Variants in INPP4B observed in about 807,000 individuals in gnomAD.
INPP4B encodes the protein inositol polyphosphate 4-phosphatase type II.
In INPP4B, 55 loss-of-function variants were observed where a neutral mutation model predicts 122.5. The observed-to-expected ratio is 0.45, with a 90% confidence interval of 0.36 to 0.56. The LOEUF (loss-of-function observed/expected upper bound fraction) is 0.56, where lower values mean the gene tolerates loss of function less well. Ranked by LOEUF, INPP4B falls within the 20% of genes least tolerant of loss-of-function variation. The pLI, the probability that INPP4B is intolerant of heterozygous loss-of-function variation, is 0.00. For missense variants in INPP4B, 1,000 were observed against 1,097.7 expected, an observed-to-expected ratio of 0.91 and a Z score of 1.26; for synonymous variants, 403 against 388.7, an observed-to-expected ratio of 1.04 and a Z score of -0.43.
chr4:142,203,255 TG>T (rs1841432180), intron 14 of INPP4B, among the ~76,000 whole-genome samples: 1 of 152,130 alleles, frequency 6.6e-6, no homozygotes, highest in South Asian at 2.1e-4. Context: ...ACATTAATAA[TG>T]CAGTTATATA....
At chr4:142,680,049 T>C (rs1328517684) in intron 2 of INPP4B, among the ~76,000 whole-genome samples, 1 of 151,906 alleles carries the variant, frequency 6.6e-6, no homozygotes, top group Non-Finnish European at 1.5e-5. Context: ...TGGCTGGTTT[T>C]AGCTAGCCAT....
chr4:142,187,600 T>G (rs75618375), intron 15 of INPP4B, among the ~76,000 whole-genome samples: 1 of 148,742 alleles, frequency 6.7e-6, no homozygotes, highest in African/African-American at 2.5e-5. Context: ...CAGACACACA[T>G]TTTTTTTTTG....
At chr4:142,418,299 A>C (rs190480297) in intron 5 of INPP4B, among the ~76,000 whole-genome samples, 13 of 152,262 alleles carry the variant, frequency 8.5e-5, no homozygotes, top group African/African-American at 3.1e-4. Context: ...TTTCAAGGGA[A>C]TATATAAATA....
At chr4:142,084,726 T>C (rs1775891415) in intron 24 of INPP4B, among the ~76,000 whole-genome samples, 3 of 152,174 alleles carry the variant, frequency 2.0e-5, no homozygotes, top group South Asian at 4.1e-4. Context: ...TGTGTGGGAT[T>C]TATAGGAAAA....
At chr4:142,567,951 A>G (rs536986820) in intron 2 of INPP4B, among the ~76,000 whole-genome samples, 2 of 152,208 alleles carry the variant, frequency 1.3e-5, no homozygotes, top group South Asian at 4.1e-4. Flanking sequence ...AAACAATCAT[A>G]TTTTTCAAAT....
chr4:142,227,728 G>A (rs1302380779), intron 12 of INPP4B, among the ~76,000 whole-genome samples: 1 of 151,036 alleles, frequency 6.6e-6, no homozygotes, highest in Non-Finnish European at 1.5e-5. Context: ...CATGGTGGTG[G>A]GCACCTGTAA....
intron 11 of INPP4B, among the ~76,000 whole-genome samples, chr4:142,254,401 A>T (rs1734456073): frequency 7.0e-6 from 1 of 143,118 alleles, no homozygotes; most frequent in Non-Finnish European, 1.5e-5. Flanking sequence ...TGATCAAATT[A>T]CTCCGAGCTA....
At chr4:142,245,172 C>A (rs1181740840) in intron 11 of INPP4B, among the ~76,000 whole-genome samples, 1 of 152,072 alleles carries the variant, frequency 6.6e-6, no homozygotes, top group Non-Finnish European at 1.5e-5. Context: ...CTTTAGGTTG[C>A]CTGTTCACTC....
At chr4:142,631,626 A>G (rs1012176743) in intron 2 of INPP4B, among the ~76,000 whole-genome samples, 2 of 152,150 alleles carry the variant, frequency 1.3e-5, no homozygotes, top group Non-Finnish European at 1.5e-5. Flanking sequence ...AAAAAAATCT[A>G]CATCTAAATA....
At chr4:142,127,426 T>C (rs186187635) in intron 18 of INPP4B, among the ~76,000 whole-genome samples, 1 of 151,882 alleles carries the variant, frequency 6.6e-6, no homozygotes, top group Admixed American at 6.6e-5. Context: ...CTTCACTTAT[T>C]TAACCAGTTG....
intron 1 of INPP4B, among the ~76,000 whole-genome samples, chr4:142,726,852 AT>A (rs931726852): frequency 6.6e-6 from 1 of 152,190 alleles, no homozygotes; most frequent in African/African-American, 2.4e-5. Context: ...TGGGAATGAT[AT>A]TTTTTCCTAT....
At chr4:142,791,977 T>C (rs1776616546) in intron 1 of INPP4B, among the ~76,000 whole-genome samples, 2 of 152,164 alleles carry the variant, frequency 1.3e-5, no homozygotes, top group South Asian at 4.1e-4. Context: ...CAAATTACAG[T>C]AACCAAGAGA....
chr4:142,770,422 T>C (rs541940499), intron 1 of INPP4B, among the ~76,000 whole-genome samples: 35 of 152,262 alleles, frequency 2.3e-4, no homozygotes, highest in Admixed American at 4.6e-4. Flanking sequence ...AAGATGAACT[T>C]TTCTGACAGA....
At chr4:142,621,909 T>C (rs1030635162) in intron 2 of INPP4B, among the ~76,000 whole-genome samples, 1 of 151,846 alleles carries the variant, frequency 6.6e-6, no homozygotes, top group Non-Finnish European at 1.5e-5. Context: ...AAGAAAAAAA[T>C]CTACAGGCAA....
At chr4:142,054,350 T>C (rs935637978) in intron 25 of INPP4B, among the ~76,000 whole-genome samples, 9 of 151,908 alleles carry the variant, frequency 5.9e-5, no homozygotes, top group African/African-American at 1.5e-4. Context: ...TATGAGATAA[T>C]CGCTGCTGCA....
rs113640537 is a variant in INPP4B, at chr4:142,485,348, T to A, written c.-190-22622A>T. 7.2e-3 allele frequency among the ~76,000 whole-genome samples: 1,090 copies of A among 152,212 alleles called. 16 individuals are homozygous for A. The highest frequency in any genetic ancestry group is 0.025 in the African/African-American group (1,032 of 41,564). ...CTTTTAGGCTAATAGTCTTCATCTC[T>A]GAGCCACAAAAAGCAACAAATAATG... is the stretch of plus-strand genomic sequence containing the variant. On this transcript the variant is annotated intron_variant, in intron 2 of 25. Coordinates refer to ENST00000262992, the MANE Select transcript of INPP4B (RefSeq NM_001101669.3).
Position 142,331,901 on chromosome 4 carries a change from C to A in INPP4B, c.373-17139G>T, listed in dbSNP as rs1051456612. Among the ~76,000 whole-genome samples the A allele has an allele frequency of 6.0e-5, 7 of 117,298 alleles. No individual in the cohort carries two copies. The Admixed American group carries it at 7.9e-4, about 13-fold the overall frequency. The allele number at this position is 117,298 out of a possible 152,430, so 77.0% of individuals were successfully genotyped here. Reference sequence around the variant, plus strand: ...AAAAGTACTCTTACAGAATGTACCACAAAGCTGGGGGGGTGGGGGGTGGAG... The same window carrying A: ...AAAAGTACTCTTACAGAATGTACCAAAAAGCTGGGGGGGTGGGGGGTGGAG... On this transcript the variant is annotated intron_variant, in intron 7 of 25. Coordinates refer to ENST00000262992, the MANE Select transcript of INPP4B (RefSeq NM_001101669.3).
At chr4:142,528,576 C>T (rs1050199785) in intron 2 of INPP4B, among the ~76,000 whole-genome samples, 2 of 152,002 alleles carry the variant, frequency 1.3e-5, no homozygotes, top group African/African-American at 4.8e-5. Context: ...GAAGTGACAC[C>T]TTCTTACTTT....
chr4:142,695,110 T>G (rs1760840952), intron 2 of INPP4B, among the ~76,000 whole-genome samples: 1 of 152,104 alleles, frequency 6.6e-6, no homozygotes, highest in Non-Finnish European at 1.5e-5. Flanking sequence ...TAACACTTAT[T>G]CCCATGTAGT....
Sources: allele counts gnomAD v4.1 joint callset (sites outside exome capture counted in the v4.1 genomes callset), GRCh38; gene constraint gnomAD v4.1.1; transcripts MANE v1.5; gene names NCBI Gene and HGNC (gene_info 2026-07-23, HGNC 2026-07-21).